POU3F3: variants seen among roughly 807,000 people sequenced by gnomAD.
The protein encoded by POU3F3 is POU class 3 homeobox 3.
A neutral mutation model predicts 8.6 loss-of-function variants in POU3F3; 1 was observed. The observed-to-expected ratio is 0.12, with a 90% CI of 0.04 to 0.55. The LOEUF is 0.55. Among genes scored for constraint, POU3F3 ranks in the 20% least tolerant of loss-of-function variants. The probability of loss-of-function intolerance (pLI) is 0.91; values close to 1 mark genes in which losing one functional copy is unlikely to be tolerated. For synonymous variants in POU3F3, 418 were observed against 327.4 expected, an observed-to-expected ratio of 1.28 and a Z score of -2.99; for missense variants, 577 against 690.7, an observed-to-expected ratio of 0.84 and a Z score of 1.84.
At chr2:104,898,894 T>A in the POU3F3 span, among the ~76,000 whole-genome samples, 4 of 152,174 alleles carry the variant, frequency 2.6e-5, no homozygotes, top group African/African-American at 7.2e-5. Context: ...ACCTGTTAAA[T>A]TTTTCATGGA....
chr2:104,860,755 T>C (rs1231789375), downstream of POU3F3, among the ~76,000 whole-genome samples: 13 of 121,602 alleles, frequency 1.1e-4, no homozygotes, highest in Admixed American at 2.4e-4. Context: ...GCTCTGCCTT[T>C]TTTTTTTTTT....
chr2:104,884,065 G>A, the POU3F3 span, among the ~76,000 whole-genome samples: 2 of 152,208 alleles, frequency 1.3e-5, no homozygotes, highest in Non-Finnish European at 2.9e-5. Flanking sequence ...GGACTGATGA[G>A]AATAGAGACC....
the POU3F3 span, among the ~76,000 whole-genome samples, chr2:104,914,003 CT>C: frequency 6.6e-6 from 1 of 152,182 alleles, no homozygotes; most frequent in Non-Finnish European, 1.5e-5. Flanking sequence ...GCTAGCTTTT[CT>C]ATTGTCTCTC....
In POU3F3 at chr2:104,857,087, TGCCGCCGCCGCCGCCGCCGCCGCCGCC is replaced by T. The variant is rs895839135; in HGVS notation, c.*77_*103del. 21 of 1,002,138 alleles carry T rather than the reference TGCCGCCGCCGCCGCCGCCGCCGCCGCC, an allele frequency of 2.1e-5. 1 individual carries two copies. Among genetic ancestry groups the T allele is most frequent in the South Asian group, 1.8e-4 (4 of 21,970 alleles). 62.1% of individuals were successfully genotyped at this position (1,002,138 alleles called of 1,614,324 possible). A position where few individuals can be genotyped will look rare whatever the true frequency, so the allele number is the denominator to read the frequency against. ...CCGCCGTCAGCACCGCCGCCGCCCC[TGCCGCCGCCGCCGCCGCCGCCGCCGCC>T]GCTGCCGCCGCCGCGCCGACCCTGC... On this transcript the variant is annotated 3_prime_UTR_variant, in exon 1 of 1. Coordinates refer to ENST00000361360, the MANE Select transcript of POU3F3 (RefSeq NM_006236.3).
At chr2:104,863,476 T>TG (rs1365384229), downstream of POU3F3, among the ~76,000 whole-genome samples, 1 of 152,084 alleles carries the variant, frequency 6.6e-6, no homozygotes, top group African/African-American at 2.4e-5. Flanking sequence ...TTTTCCGTTC[T>TG]GGGGGTGCAG....
chr2:104,865,140 G>A, the POU3F3 span, among the ~76,000 whole-genome samples: 1 of 152,190 alleles, frequency 6.6e-6, no homozygotes, highest in Admixed American at 6.5e-5. Context: ...CTAGTCACCG[G>A]TATGCCAGGA....
chr2:104,921,235 C>T, the POU3F3 span, among the ~76,000 whole-genome samples: 18 of 152,208 alleles, frequency 1.2e-4, no homozygotes, highest in African/African-American at 3.6e-4. Context: ...TCATAGCCAG[C>T]GTCCAAACTG....
At chr2:104,863,205 A>G (rs1417193163), downstream of POU3F3, among the ~76,000 whole-genome samples, 1 of 129,848 alleles carries the variant, frequency 7.7e-6, no homozygotes, top group African/African-American at 2.8e-5. Flanking sequence ...TATTATTATT[A>G]TTCTGGAAAC....
chr2:104,888,651 T>C, the POU3F3 span, among the ~76,000 whole-genome samples: 27 of 152,178 alleles, frequency 1.8e-4, no homozygotes, highest in Admixed American at 7.2e-4. Flanking sequence ...TCTGTTAAGA[T>C]GCATCATATG....
the POU3F3 span, among the ~76,000 whole-genome samples, chr2:104,924,796 T>C: frequency 6.6e-6 from 1 of 152,310 alleles, no homozygotes; most frequent in African/African-American, 2.4e-5. Flanking sequence ...AAATGCAACC[T>C]CTGCTGGCTA....
the POU3F3 span, among the ~76,000 whole-genome samples, chr2:104,912,152 T>C: frequency 6.6e-6 from 1 of 152,104 alleles, no homozygotes; most frequent in African/African-American, 2.4e-5. Context: ...GTGTGTTTGA[T>C]TGCCGTCACT....
the POU3F3 span, among the ~76,000 whole-genome samples, chr2:104,896,735 G>A: frequency 6.6e-6 from 1 of 152,194 alleles, no homozygotes; most frequent in Non-Finnish European, 1.5e-5. Flanking sequence ...TCGAACCTTG[G>A]TGAAGCCTGA....
the POU3F3 span, among the ~76,000 whole-genome samples, chr2:104,909,297 A>G: frequency 1.3e-5 from 2 of 152,230 alleles, no homozygotes; most frequent in East Asian, 1.9e-4. Context: ...GGAGAAAACC[A>G]TATCCATGGT....
At chr2:104,869,418 G>A in the POU3F3 span, among the ~76,000 whole-genome samples, 1 of 152,198 alleles carries the variant, frequency 6.6e-6, no homozygotes, top group South Asian at 2.1e-4. Context: ...GTGAGTAGAG[G>A]AAGTCTGCCT....
chr2:104,880,651 G>A, the POU3F3 span, among the ~76,000 whole-genome samples: 1 of 152,188 alleles, frequency 6.6e-6, no homozygotes, highest in Non-Finnish European at 1.5e-5. Flanking sequence ...AGGTGCCAGA[G>A]CACAGAAAAG....
chr2:104,892,600 G>A, the POU3F3 span, among the ~76,000 whole-genome samples: 1 of 150,782 alleles, frequency 6.6e-6, no homozygotes, highest in Non-Finnish European at 1.5e-5. Flanking sequence ...CAAGTAACTG[G>A]GACTACAAGT....
chr2:104,860,842 G>A (rs1676648257), downstream of POU3F3, among the ~76,000 whole-genome samples: 1 of 128,602 alleles, frequency 7.8e-6, no homozygotes, highest in East Asian at 2.5e-4. Flanking sequence ...TGATCTTAGC[G>A]ATTCCCTTTG....
the POU3F3 span, among the ~76,000 whole-genome samples, chr2:104,889,437 C>T: frequency 3.3e-5 from 5 of 152,184 alleles, no homozygotes; most frequent in African/African-American, 1.2e-4. Flanking sequence ...CCCCATGCTC[C>T]ACCCTGGTGT....
chr2:104,863,824 A>G, the POU3F3 span, among the ~76,000 whole-genome samples: 1 of 152,186 alleles, frequency 6.6e-6, no homozygotes, highest in South Asian at 2.1e-4. Context: ...CGGGCAGAAG[A>G]AGTCAGAGCG....
Sources: allele counts gnomAD v4.1 joint callset (sites outside exome capture counted in the v4.1 genomes callset), GRCh38; gene constraint gnomAD v4.1.1; transcripts MANE v1.5; gene names NCBI Gene and HGNC (gene_info 2026-07-23, HGNC 2026-07-21).